BRINP2: variants seen among roughly 807,000 people sequenced by gnomAD.
BRINP2 encodes BMP/retinoic acid-inducible neural-specific protein 2.
BRINP2 carries 21 observed loss-of-function variants against 69.2 expected under a neutral mutation model. The observed-to-expected ratio is 0.30, with a 90% CI of 0.22 to 0.44. The LOEUF is 0.44. Among genes scored for constraint, BRINP2 ranks in the 20% least tolerant of loss-of-function variants. The pLI is 1.00. For missense variants in BRINP2, 877 were observed against 986.0 expected (o/e 0.89, Z 1.48); for synonymous variants, 380 against 394.1 (o/e 0.96, Z 0.42).
intron 2 of BRINP2, among the ~76,000 whole-genome samples, chr1:177,250,483 C>T (rs1391854492): frequency 2.0e-5 from 3 of 152,162 alleles, no homozygotes; most frequent in African/African-American, 2.4e-5. Context: ...CCTGCCATTG[C>T]GCCCGGCTAA....
intron 2 of BRINP2, among the ~76,000 whole-genome samples, chr1:177,249,216 T>A (rs1237466030): frequency 1.3e-5 from 2 of 152,232 alleles, no homozygotes; most frequent in African/African-American, 4.8e-5. Flanking sequence ...ATTGTTTTGG[T>A]TTTTATTAAT....
intron 1 of BRINP2, among the ~76,000 whole-genome samples, chr1:177,187,228 GCC>G (rs11302136): frequency 6.6e-6 from 1 of 151,744 alleles, no homozygotes; most frequent in East Asian, 1.9e-4. Flanking sequence ...AGCATATTGT[GCC>G]CCCCTAACCC....
intron 2 of BRINP2, among the ~76,000 whole-genome samples, chr1:177,241,021 G>A (rs527490140): frequency 2.4e-4 from 36 of 152,068 alleles, no homozygotes; most frequent in South Asian, 6.3e-4. Context: ...ACCCAGGCTG[G>A]AGTACAGTGG....
intron 1 of BRINP2, among the ~76,000 whole-genome samples, chr1:177,185,363 T>G (rs937981320): frequency 6.6e-6 from 1 of 152,140 alleles, no homozygotes; most frequent in Non-Finnish European, 1.5e-5. Flanking sequence ...ACCTATTAAA[T>G]ATGTGTTTAA....
At chr1:177,253,484 G>A (rs1571932973) in intron 2 of BRINP2, among the ~76,000 whole-genome samples, 1 of 152,152 alleles carries the variant, frequency 6.6e-6, no homozygotes, top group Middle Eastern at 3.4e-3. Flanking sequence ...CTTCAGTTCT[G>A]TAGGTTGTCT....
At position 177,278,502 on chromosome 1, in the gene BRINP2, TG is replaced by T. The variant is rs1365801010; in HGVS notation, c.1013-60del. The T allele has an allele frequency of 8.6e-6, 13 of 1,512,920 alleles. No homozygotes were observed. The African/African-American group carries it at 1.8e-4, about 21-fold the overall frequency. 93.7% of individuals were successfully genotyped at this position (1,512,920 alleles called of 1,614,324 possible). Reference sequence around the variant, plus strand: ...GCCCTGGATCTGGGCAGCGTCCACTTGCCCCTACCAGAGTTCTGCATAGCTA... The same window carrying T: ...GCCCTGGATCTGGGCAGCGTCCACTTCCCCTACCAGAGTTCTGCATAGCTA... On this transcript the variant is annotated intron_variant, in intron 6 of 7. Transcript: ENST00000361539.
intron 1 of BRINP2, among the ~76,000 whole-genome samples, chr1:177,213,845 A>G (rs1221051428): frequency 6.6e-6 from 1 of 152,338 alleles, no homozygotes; most frequent in East Asian, 1.9e-4. Context: ...GCTAAATGGA[A>G]TGTTCTTTGT....
chr1:177,214,382 G>A lies in BRINP2; in HGVS notation c.-76-15419G>A, dbSNP rs541870007. Among the ~76,000 whole-genome samples the A allele has an allele frequency of 4.6e-5, 7 of 152,162 alleles. No individual in the cohort carries two copies. The East Asian group carries it at 1.2e-3, about 25-fold the overall frequency. On this transcript the variant is annotated intron_variant, in intron 1 of 7. Coordinates refer to ENST00000361539, the MANE Select transcript of BRINP2 (RefSeq NM_021165.4). ...TGGGAGGCGGAGGTTGCAGTGAGCC[G>A]AGATCGCACCACTGCATTCCAGCCT...
intron 1 of BRINP2, among the ~76,000 whole-genome samples, chr1:177,217,654 T>C (rs1571904612): frequency 6.6e-6 from 1 of 152,188 alleles, no homozygotes; most frequent in Admixed American, 6.5e-5. Context: ...TTGGCAGGGA[T>C]AGAAATTCAC....
intron 1 of BRINP2, among the ~76,000 whole-genome samples, chr1:177,203,703 A>T (rs1648988387): frequency 6.6e-6 from 1 of 152,134 alleles, no homozygotes. Context: ...AGTGCCGCTT[A>T]TGTGTTATTT....
chr1:177,253,057 T>C (rs950337273), intron 2 of BRINP2, among the ~76,000 whole-genome samples: 1 of 152,174 alleles, frequency 6.6e-6, no homozygotes, highest in African/African-American at 2.4e-5. Context: ...CCTTTGAATA[T>C]GTACCTAGTA....
chr1:177,248,717 A>G (rs1650477044), intron 2 of BRINP2, among the ~76,000 whole-genome samples: 1 of 152,126 alleles, frequency 6.6e-6, no homozygotes, highest in Admixed American at 6.5e-5. Context: ...GAGACCCTGC[A>G]GGGGGATTCT....
Position 177,281,792 on chromosome 1 carries a change from G to GC in BRINP2, c.*265dup. On this transcript the variant is annotated 3_prime_UTR_variant, in exon 8 of 8. Coordinates refer to ENST00000361539, the MANE Select transcript of BRINP2 (RefSeq NM_021165.4). ...CCTCAGATCTGTAAAGTTGATTGGT[G>GC]CTTTCTAAAATGAATGCAATTGAAA... 1 of 341,386 alleles carries GC rather than the reference G, an allele frequency of 2.9e-6. No individual in the cohort carries two copies. The highest frequency in any genetic ancestry group is 5.3e-6 in the Non-Finnish European group (1 of 190,130). The allele number at this position is 341,386 out of a possible 1,614,324, so 21.1% of individuals were successfully genotyped here.
chr1:177,229,010 A>G (rs1649784900), intron 1 of BRINP2, among the ~76,000 whole-genome samples: 1 of 152,144 alleles, frequency 6.6e-6, no homozygotes, highest in South Asian at 2.1e-4. Flanking sequence ...TACAGCAGTT[A>G]TTGCTCAGCC....
chr1:177,196,059 A>G (rs1236034432), intron 1 of BRINP2, among the ~76,000 whole-genome samples: 2 of 152,232 alleles, frequency 1.3e-5, no homozygotes, highest in Non-Finnish European at 2.9e-5. Flanking sequence ...TACAAATGCT[A>G]ATTTCTCTAT....
intron 2 of BRINP2, among the ~76,000 whole-genome samples, chr1:177,252,308 G>A (rs1168528445): frequency 1.3e-5 from 2 of 152,070 alleles, no homozygotes; most frequent in South Asian, 2.1e-4. Flanking sequence ...TTAGTCACCC[G>A]CTTTTCTTTG....
At chr1:177,217,158 T>A (rs1380255355) in intron 1 of BRINP2, among the ~76,000 whole-genome samples, 1 of 152,068 alleles carries the variant, frequency 6.6e-6, no homozygotes, top group Non-Finnish European at 1.5e-5. Context: ...GGTTTCTTGT[T>A]TGATGATGTC....
chr1:177,269,254 CTCTTGGCTCTGCCATAGG>C (rs1439084918), intron 4 of BRINP2, among the ~76,000 whole-genome samples: 1 of 152,228 alleles, frequency 6.6e-6, no homozygotes, highest in African/African-American at 2.4e-5. Context: ...GTGAATATCA[CTCTTGGCTCTGCCATAGG>C]GTTGGGGTAT....
At chr1:177,260,954 T>C (rs987132288) in intron 4 of BRINP2, among the ~76,000 whole-genome samples, 1 of 151,414 alleles carries the variant, frequency 6.6e-6, no homozygotes. Flanking sequence ...GGATGAATGG[T>C]ATGAAGAAAT....
Sources: allele counts gnomAD v4.1 joint callset (sites outside exome capture counted in the v4.1 genomes callset), GRCh38; gene constraint gnomAD v4.1.1; transcripts MANE v1.5; gene names NCBI Gene and HGNC (gene_info 2026-07-23, HGNC 2026-07-21).